CYP2U1: variants seen among roughly 807,000 people sequenced by gnomAD.
The protein encoded by CYP2U1 is cytochrome P450 2U1.
CYP2U1 carries 28 observed loss-of-function variants against 42.8 expected under a neutral mutation model. The ratio of observed to expected loss-of-function variants is 0.65; its 90% CI spans 0.48 to 0.90. The LOEUF is 0.90. Among genes scored for constraint, CYP2U1 ranks in the 40% least tolerant of loss-of-function variants. The probability of loss-of-function intolerance (pLI) is 0.00; values close to 1 mark genes in which losing one functional copy is unlikely to be tolerated. For synonymous variants in CYP2U1, 296 were observed against 278.9 expected, an observed-to-expected ratio of 1.06 and a Z score of -0.61; for missense variants, 642 against 693.8, an observed-to-expected ratio of 0.93 and a Z score of 0.84.
intron 3 of CYP2U1, among the ~76,000 whole-genome samples, chr4:107,948,712 C>A (rs1733801498): frequency 6.6e-6 from 1 of 152,106 alleles, no homozygotes; most frequent in Non-Finnish European, 1.5e-5. Context: ...TTTAAACATC[C>A]CTATTAACAA....
At chr4:107,942,469 A>G (rs1364764317) in intron 1 of CYP2U1, among the ~76,000 whole-genome samples, 1 of 152,272 alleles carries the variant, frequency 6.6e-6, no homozygotes, top group Non-Finnish European at 1.5e-5. Context: ...GAGGTTTTGT[A>G]GGGAAAAGGG....
intron 3 of CYP2U1, 59 bp downstream of exon 3, chr4:107,947,596 G>T: frequency 6.4e-7 from 1 of 1,562,728 alleles, no homozygotes; most frequent in Non-Finnish European, 8.8e-7. Flanking sequence ...CTCTAATCCA[G>T]GGTAGTTGAG....
At position 107,950,232 on chromosome 4, in the gene CYP2U1, A is replaced by G; in HGVS notation, c.1457-13A>G. On this transcript the variant is annotated splice_polypyrimidine_tract_variant and intron_variant, in intron 4 of 4. Coordinates refer to ENST00000332884, the MANE Select transcript of CYP2U1 (RefSeq NM_183075.3). ...TATTATAATCCTTCATTTTTTTCTG[A>G]TCTCATTTTTAGGGAAGCGGGTGTG... The G allele has an allele frequency of 1.3e-6, 2 of 1,579,438 alleles. No individual in the cohort carries two copies. The highest frequency in any genetic ancestry group is 1.7e-6 in the Non-Finnish European group (2 of 1,165,656).
chr4:107,946,480 T>C (rs138422608), intron 2 of CYP2U1, among the ~76,000 whole-genome samples: 1 of 152,112 alleles, frequency 6.6e-6, no homozygotes, highest in African/African-American at 2.4e-5. Context: ...CCTTTTGCCA[T>C]GTAAGGTATT....
At chr4:107,941,347 T>G (rs1733486562) in intron 1 of CYP2U1, 3 of 152,120 alleles carry the variant, frequency 2.0e-5, no homozygotes, top group Admixed American at 2.0e-4. Flanking sequence ...GCAAAATAGC[T>G]TAATATAAGT....
intron 1 of CYP2U1, chr4:107,938,355 T>C (rs1221475035): frequency 6.6e-6 from 1 of 152,208 alleles, no homozygotes; most frequent in African/African-American, 2.4e-5. Flanking sequence ...ATAAAATAAA[T>C]TTAAGTTATC....
chr4:107,952,887 T>A lies in CYP2U1; in HGVS notation c.*2464T>A, dbSNP rs1468090110. ...GAAATATTACTAAGCACTTTCCGTA[T>A]AGATAAATGAAATACAGGCTAATCT... is the stretch of plus-strand genomic sequence containing the variant. On this transcript the variant is annotated 3_prime_UTR_variant, in exon 5 of 5. Coordinates refer to ENST00000332884, the MANE Select transcript of CYP2U1 (RefSeq NM_183075.3). The A allele has an allele frequency of 6.6e-6, 1 of 152,238 alleles. No homozygotes were observed. Among genetic ancestry groups the A allele is most frequent in the Non-Finnish European group, 1.5e-5 (1 of 68,036 alleles). 9.4% of individuals were successfully genotyped at this position (152,238 alleles called of 1,614,324 possible).
rs1252883322 is a variant in CYP2U1 at position 107,945,497 on chromosome 4, G to A, written c.1018G>A (p.Glu340Lys). 8.7e-6 allele frequency: 14 copies of A among 1,614,088 alleles called. No individual in the cohort carries two copies. Among genetic ancestry groups the A allele is most frequent in the Non-Finnish European group, 1.2e-5 (14 of 1,180,028 alleles). ...KNNSNSSFDE[E>K]YLFYIIGDLF... ...TAATAGTAACAGCAGTTTTGATGAA[G>A]AGTACTTATTTTATATCATTGGGGA... is the stretch of plus-strand genomic sequence containing the variant. Residue 340 changes from glutamate (E) to lysine (K), a missense_variant, in exon 2 of 5, where the codon GAG becomes AAG. Glu to Lys is a moderately conservative substitution (Grantham distance 56). Transcript: ENST00000332884.
intron 1 of CYP2U1, chr4:107,935,880 T>C (rs923878294): frequency 1.3e-5 from 2 of 152,208 alleles, no homozygotes; most frequent in Non-Finnish European, 2.9e-5. Flanking sequence ...AAAGAAATTA[T>C]GTTAGGAATT....
Position 107,931,722 on chromosome 4 carries a change from C to T in CYP2U1, c.79C>T (p.Leu27=), listed in dbSNP as rs549024298. Residue 27 remains leucine (L), a synonymous_variant, in exon 1 of 5, where the codon CTG becomes TTG. Transcript: ENST00000332884. ...GCGCCTCCTGCGTGCGCCTCTGGGG[C>T]TGCTGCGGCTGGACCCCAGCGGGGG... The part of the protein sequence containing the change: ...PARLLRAPLG[L]LRLDPSGGAL... 1.8e-5 allele frequency: 25 copies of T among 1,396,846 alleles called. No individual in the cohort carries two copies. The highest frequency in any genetic ancestry group is 1.3e-5 in the Non-Finnish European group (14 of 1,085,532). The allele number at this position is 1,396,846 out of a possible 1,614,324, so 86.5% of individuals were successfully genotyped here. A position where few individuals can be genotyped will look rare whatever the true frequency, so the allele number is the denominator to read the frequency against.
At position 107,951,438 on chromosome 4, in the gene CYP2U1, T is replaced by G. The variant is rs1173558587; in HGVS notation, c.*1015T>G. On this transcript the variant is annotated 3_prime_UTR_variant, in exon 5 of 5. Transcript: ENST00000332884. ...TCTCAAAGAATTCACTCTCTTTTTA[T>G]TAAGAGAACTAAATTGTTTCTAAAT... The G allele has an allele frequency of 6.6e-6, 1 of 152,254 alleles. No homozygotes were observed. Among genetic ancestry groups the G allele is most frequent in the Non-Finnish European group, 1.5e-5 (1 of 68,048 alleles). 9.4% of individuals were successfully genotyped at this position (152,254 alleles called of 1,614,324 possible).
In CYP2U1 at chr4:107,947,381, G is replaced by A. The variant is rs61740284; in HGVS notation, c.1132G>A (p.Val378Ile). 2.4e-4 allele frequency: 381 copies of A among 1,614,074 alleles called. 2 individuals carry two copies. In the African/African-American group the frequency reaches 4.6e-3, roughly 19 times the overall value. Reference sequence around the variant, plus strand: ...ATTTTTCCCTTTTTACATAGAAAAGGTTCATGAAGAAATTGAAAGAGTCAT... The same window carrying A: ...ATTTTTCCCTTTTTACATAGAAAAGATTCATGAAGAAATTGAAAGAGTCAT... Reference protein sequence around the residue: ...MSLNPDVQEKVHEEIERVIGA... With the variant: ...MSLNPDVQEKIHEEIERVIGA... The change falls in exon 3 of 5, where the codon GTT becomes ATT. Residue 378 changes from valine (V) to isoleucine (I), a missense_variant. Transcript: ENST00000332884.
chr4:107,942,807 A>T (rs185749204), intron 1 of CYP2U1, among the ~76,000 whole-genome samples: 1 of 152,378 alleles, frequency 6.6e-6, no homozygotes, highest in Non-Finnish European at 1.5e-5. Flanking sequence ...CAGGTAGATT[A>T]TAGAAACTTA....
chr4:107,950,994 G>C lies in CYP2U1; in HGVS notation c.*571G>C, dbSNP rs974258301. The C allele has an allele frequency of 6.6e-6, 1 of 152,388 alleles. No individual in the cohort carries two copies. The highest frequency in any genetic ancestry group is 1.9e-4 in the East Asian group (1 of 5,182). 9.4% of individuals were successfully genotyped at this position (152,388 alleles called of 1,614,324 possible). On this transcript the variant is annotated 3_prime_UTR_variant, in exon 5 of 5. Coordinates refer to ENST00000332884, the MANE Select transcript of CYP2U1 (RefSeq NM_183075.3). ...CTGGGGGAGAACTTTTCTCAGCACA[G>C]ATTCTATGCCAGCTTCTTTGGGCTT...
Position 107,947,289 on chromosome 4 carries a change from T to C in CYP2U1, c.1127-87T>C. 3.5e-6 allele frequency: 4 copies of C among 1,157,344 alleles called. No individual in the cohort carries two copies. In the South Asian group the frequency reaches 5.5e-5, roughly 16 times the overall value. The allele number at this position is 1,157,344 out of a possible 1,614,324, so 71.7% of individuals were successfully genotyped here. A position where few individuals can be genotyped will look rare whatever the true frequency, so the allele number is the denominator to read the frequency against. ...GAACTGCCAACTGACCAGTTATGCA[T>C]TAGTGGTGATGGAAAGTATGCAGAG... On this transcript the variant is annotated intron_variant, in intron 2 of 4. Coordinates refer to ENST00000332884, the MANE Select transcript of CYP2U1 (RefSeq NM_183075.3).
rs1415212239 is a variant in CYP2U1, at chr4:107,945,576, T to A, written c.1097T>A (p.Leu366Gln). ...ACTAACTCTTTGCTCTGGTGCCTGC[T>A]GTATATGTCGCTGAACCCCGATGTA... ...TTTNSLLWCL[L>Q]YMSLNPDVQE... Residue 366 changes from leucine (L) to glutamine (Q), a missense_variant, in exon 2 of 5, where the codon CTG becomes CAG. By Grantham distance (113) the Leu-to-Gln change is moderately radical (BLOSUM62 -2). Transcript: ENST00000332884. 4 of 1,596,434 alleles carry A rather than the reference T, an allele frequency of 2.5e-6. No individual in the cohort carries two copies. Among genetic ancestry groups the A allele is most frequent in the Non-Finnish European group, 3.4e-6 (4 of 1,170,156 alleles).
In CYP2U1 at chr4:107,932,117, C is replaced by G. The variant is rs1160910421; in HGVS notation, c.474C>G (p.Ile158Met). 1.2e-6 allele frequency: 2 copies of G among 1,604,018 alleles called. No homozygotes were observed. The highest frequency in any genetic ancestry group is 4.5e-5 in the East Asian group (2 of 44,326). Residue 158 changes from isoleucine to methionine, a missense_variant, in exon 1 of 5, where the codon ATC becomes ATG. Physicochemically the swap from Ile to Met is conservative, Grantham distance 10. Coordinates refer to ENST00000332884, the MANE Select transcript of CYP2U1 (RefSeq NM_183075.3). Reference sequence around the variant, plus strand: ...GCCCGCGGGTGCCGCTCATCTCCATCGTGACCAAGGAGAAGGGTGAGCGGG... The same window carrying G: ...GCCCGCGGGTGCCGCTCATCTCCATGGTGACCAAGGAGAAGGGTGAGCGGG... ...SDRPRVPLIS[I>M]VTKEKGVVFA...
rs1407851653 is a variant in CYP2U1, at chr4:107,950,746, A to C, written c.*323A>C. 1 of 205,674 alleles carries C rather than the reference A, an allele frequency of 4.9e-6. No individual in the cohort carries two copies. The highest frequency in any genetic ancestry group is 9.8e-6 in the Non-Finnish European group (1 of 102,464). 12.7% of individuals were successfully genotyped at this position (205,674 alleles called of 1,614,324 possible). A position where few individuals can be genotyped will look rare whatever the true frequency, so the allele number is the denominator to read the frequency against. On this transcript the variant is annotated 3_prime_UTR_variant, in exon 5 of 5. Coordinates refer to ENST00000332884, the MANE Select transcript of CYP2U1 (RefSeq NM_183075.3). ...TTTCTTAGTGCCTCAGACATCCCAT[A>C]TGTAAAATGAGAGTAATAAAACTTG... is the stretch of plus-strand genomic sequence containing the variant.
intron 1 of CYP2U1, among the ~76,000 whole-genome samples, 165 bp from the exon 2 acceptor site, chr4:107,944,805 A>AATC (rs1733621872): frequency 2.0e-5 from 1 of 49,876 alleles, no homozygotes; most frequent in African/African-American, 6.3e-5. Context: ...AAATTTTGCC[A>AATC]ATCATTCTTC....
Sources: allele counts gnomAD v4.1 joint callset (sites outside exome capture counted in the v4.1 genomes callset), GRCh38; gene constraint gnomAD v4.1.1; transcripts MANE v1.5; gene names NCBI Gene and HGNC (gene_info 2026-07-23, HGNC 2026-07-21).